Variants in KIAA0586 observed in about 807,000 individuals in gnomAD.
KIAA0586 encodes KIAA0586.
Under a neutral mutation model 169.8 loss-of-function variants are expected in KIAA0586, and 144 were observed. The ratio of observed to expected loss-of-function variants is 0.85; its 90% CI spans 0.74 to 0.97. The LOEUF is 0.97. Ranked by LOEUF, KIAA0586 falls within the 50% of genes least tolerant of loss-of-function variation. The pLI is 0.00. For missense variants in KIAA0586, 1,854 were observed against 1,823.0 expected (o/e 1.02, Z -0.31); for synonymous variants, 625 against 612.4 (o/e 1.02, Z -0.30).
In KIAA0586 at chr14:58,492,220, T is replaced by C. The variant is rs912168236; in HGVS notation, c.3935T>C (p.Phe1312Ser). The part of the protein sequence containing the change: ...KKFHADAILS[F>S]AKQNQESAVS... ...TTTCATGCAGATGCAATTCTTTCTT[T>C]TGCTAAACAAAACCAGGAGTCAGCA... Residue 1312 changes from phenylalanine (F) to serine (S), a missense_variant, in exon 26 of 31, where the codon TTT becomes TCT. Transcript: ENST00000652326. 3.9e-6 allele frequency: 6 copies of C among 1,551,094 alleles called. No homozygotes were observed. Among genetic ancestry groups the C allele is most frequent in the Non-Finnish European group, 4.4e-6 (5 of 1,146,690 alleles).
intron 17 of KIAA0586, 24 bp downstream of exon 17, chr14:58,470,747 T>C (rs2041151492): frequency 3.5e-6 from 4 of 1,145,042 alleles, no homozygotes; most frequent in Non-Finnish European, 5.3e-6. Flanking sequence ...TTTTATCATA[T>C]TATTTTGAGT....
At chr14:58,533,940 C>T (rs2046135162) in intron 29 of KIAA0586, among the ~76,000 whole-genome samples, 1 of 152,064 alleles carries the variant, frequency 6.6e-6, no homozygotes, top group Non-Finnish European at 1.5e-5. Context: ...GCTCATTTTT[C>T]ATTCTTTCAC....
intron 21 of KIAA0586, among the ~76,000 whole-genome samples, chr14:58,483,686 A>C (rs191278630): frequency 6.6e-6 from 1 of 152,292 alleles, no homozygotes; most frequent in African/African-American, 2.4e-5. Context: ...TTGTTTAATC[A>C]ACCTTACTTG....
chr14:58,502,929 C>G (rs1312193726), intron 27 of KIAA0586, among the ~76,000 whole-genome samples: 2 of 152,122 alleles, frequency 1.3e-5, no homozygotes, highest in Non-Finnish European at 2.9e-5. Context: ...TACAGAGGGT[C>G]ATCTCTTCTT....
chr14:58,511,466 C>T (rs991646275), intron 28 of KIAA0586, among the ~76,000 whole-genome samples: 5 of 152,122 alleles, frequency 3.3e-5, no homozygotes, highest in Non-Finnish European at 7.4e-5. Flanking sequence ...CTAGAAAATG[C>T]CTTACCCAGA....
In KIAA0586 at chr14:58,482,152, G is replaced by A. The variant is rs138864913; in HGVS notation, c.2945-361G>A. Among the ~76,000 whole-genome samples, 70 of 151,880 alleles carry A rather than the reference G, an allele frequency of 4.6e-4. No homozygotes were observed. In the East Asian group the frequency reaches 0.01, roughly 23 times the overall value. The stretch of plus-strand genomic sequence containing the variant: ...TTAAGAATGAAAGTTCGGCCCAGGC[G>A]CAGTGGCTGTCGCCCGTAATACCAG... On this transcript the variant is annotated intron_variant, in intron 20 of 30. Transcript: ENST00000652326.
intron 26 of KIAA0586, among the ~76,000 whole-genome samples, chr14:58,496,697 G>A (rs2043179434): frequency 6.6e-6 from 1 of 152,056 alleles, no homozygotes; most frequent in Non-Finnish European, 1.5e-5. Context: ...TATAGTCAAT[G>A]GAATCATCAA....
At chr14:58,543,429 A>ATAG (rs1426826166) in intron 30 of KIAA0586, among the ~76,000 whole-genome samples, 11 of 152,330 alleles carry the variant, frequency 7.2e-5, no homozygotes, top group Non-Finnish European at 1.5e-4. Flanking sequence ...TGCCAGGCAC[A>ATAG]TAGTAGGTGC....
At chr14:58,523,325 T>G (rs2045353138) in intron 29 of KIAA0586, among the ~76,000 whole-genome samples, 1 of 152,186 alleles carries the variant, frequency 6.6e-6, no homozygotes, top group South Asian at 2.1e-4. Context: ...TTTCTCATCT[T>G]TTTGACATTA....
intron 29 of KIAA0586, chr14:58,521,055 G>A (rs1479550681): frequency 1.2e-5 from 5 of 403,308 alleles, no homozygotes; most frequent in Non-Finnish European, 2.3e-5. Context: ...GATGAAGACT[G>A]AGCGGTTGTG....
chr14:58,479,838 A>G (rs193147504), intron 20 of KIAA0586, among the ~76,000 whole-genome samples: 1 of 152,292 alleles, frequency 6.6e-6, no homozygotes, highest in African/African-American at 2.4e-5. Flanking sequence ...TCAATTGGTT[A>G]TATATGTGTG....
intron 4 of KIAA0586, among the ~76,000 whole-genome samples, chr14:58,438,539 A>T (rs556396443): frequency 6.6e-6 from 1 of 152,328 alleles, no homozygotes; most frequent in East Asian, 1.9e-4. Flanking sequence ...TTACAGCTTA[A>T]TTGGGGAGAT....
rs145534002 is a variant in KIAA0586 at position 58,496,867 on chromosome 14, CAT to C, written c.3991-1914_3991-1913del. ...ATTCATTAATTAGAATATCTCAAGTCATAAAATGTACTAGTGATTAGGATATA... is the reference window on the plus strand; with the variant it reads ...ATTCATTAATTAGAATATCTCAAGTCAAAATGTACTAGTGATTAGGATATA... On this transcript the variant is annotated intron_variant, in intron 26 of 30. Coordinates refer to ENST00000652326, the MANE Select transcript of KIAA0586 (RefSeq NM_001329943.3). Among the ~76,000 whole-genome samples, 13 of 152,056 alleles carry C rather than the reference CAT, an allele frequency of 8.5e-5. No homozygotes were observed. In the East Asian group the frequency reaches 2.5e-3, roughly 29 times the overall value.
chr14:58,522,103 T>A, intron 29 of KIAA0586: 3 of 644,670 alleles, frequency 4.7e-6, no homozygotes, highest in Non-Finnish European at 8.3e-6. Context: ...ACATGCTCAC[T>A]GTTCTCCCAA....
chr14:58,506,822 A>G (rs1378314629), intron 27 of KIAA0586, among the ~76,000 whole-genome samples: 1 of 152,078 alleles, frequency 6.6e-6, no homozygotes, highest in East Asian at 1.9e-4. Flanking sequence ...ATGCCTTTAA[A>G]TGGAAAATAT....
At chr14:58,455,385 C>T (rs1003011472) in intron 9 of KIAA0586, among the ~76,000 whole-genome samples, 3 of 152,240 alleles carry the variant, frequency 2.0e-5, no homozygotes, top group Middle Eastern at 3.4e-3. Flanking sequence ...TTTCCAGTTT[C>T]TTTGTATGTC....
In KIAA0586 at chr14:58,449,406, A is replaced by G. The variant is rs111860320; in HGVS notation, c.961+913A>G. Among the ~76,000 whole-genome samples the G allele has an allele frequency of 8.7e-4, 132 of 152,282 alleles. 2 individuals carry two copies. The East Asian group carries it at 0.022, about 25-fold the overall frequency. On this transcript the variant is annotated intron_variant, in intron 7 of 30. Coordinates refer to ENST00000652326, the MANE Select transcript of KIAA0586 (RefSeq NM_001329943.3). ...TATCCAGGTGTGGTGGCACATGCCT[A>G]TAGTCCCAGTTACTTTGGAGGCTGA...
At chr14:58,494,247 C>A (rs1005445582) in intron 26 of KIAA0586, among the ~76,000 whole-genome samples, 12 of 151,332 alleles carry the variant, frequency 7.9e-5, no homozygotes, top group African/African-American at 2.7e-4. Context: ...CCAATCTGAT[C>A]TGCTAACTAT....
chr14:58,487,338 G>A (rs1370081961), intron 22 of KIAA0586, among the ~76,000 whole-genome samples, 172 bp downstream of exon 22: 1 of 152,212 alleles, frequency 6.6e-6, no homozygotes, highest in Non-Finnish European at 1.5e-5. Context: ...GGCAGGCATG[G>A]TGGCTCACGC....
Sources: allele counts gnomAD v4.1 joint callset (sites outside exome capture counted in the v4.1 genomes callset), GRCh38; gene constraint gnomAD v4.1.1; transcripts MANE v1.5; gene names NCBI Gene and HGNC (gene_info 2026-07-23, HGNC 2026-07-21).